Variants in OSBPL8 observed in about 807,000 individuals in gnomAD.
OSBPL8 encodes oxysterol binding protein like 8, also known as oxysterol-binding protein-related protein 8.
In OSBPL8, 59 loss-of-function variants were observed where a neutral mutation model predicts 125.5. The observed-to-expected ratio is 0.47, with a 90% CI of 0.38 to 0.58. The LOEUF is 0.58. OSBPL8 is among the 20% of genes least tolerant of loss of function. OSBPL8 has a pLI of 0.00. For synonymous variants in OSBPL8, 330 were observed against 338.9 expected, an observed-to-expected ratio of 0.97 and a Z score of 0.29; for missense variants, 758 against 1,047.8, an observed-to-expected ratio of 0.72 and a Z score of 3.82.
chr12:76,358,064 T>C (rs1227718429), intron 22 of OSBPL8, among the ~76,000 whole-genome samples: 1 of 151,978 alleles, frequency 6.6e-6, no homozygotes, highest in Admixed American at 6.6e-5. Flanking sequence ...TTTTGAAGCA[T>C]GGAACTGAGT....
chr12:76,535,813 G>A (rs971148631), intron 1 of OSBPL8, among the ~76,000 whole-genome samples: 3 of 152,052 alleles, frequency 2.0e-5, no homozygotes, highest in Non-Finnish European at 4.4e-5. Flanking sequence ...TGAAATCTTA[G>A]AACAGACAAA....
chr12:76,384,108 G>A (rs762155473), intron 15 of OSBPL8, 146 bp downstream of exon 15: 1 of 431,154 alleles, frequency 2.3e-6, no homozygotes, highest in Non-Finnish European at 4.2e-6. Flanking sequence ...TTATGAGTGG[G>A]CAGAAAAAAG....
chr12:76,553,169 A>T (rs1950991906), intron 1 of OSBPL8, among the ~76,000 whole-genome samples: 1 of 130,856 alleles, frequency 7.6e-6, no homozygotes, highest in Non-Finnish European at 1.6e-5. Flanking sequence ...CAGATCTACC[A>T]TACTTCCATC....
chr12:76,540,773 TGCACAC>T (rs1278538543), intron 1 of OSBPL8, among the ~76,000 whole-genome samples: 1 of 151,878 alleles, frequency 6.6e-6, no homozygotes, highest in Non-Finnish European at 1.5e-5. Flanking sequence ...CACATACACA[TGCACAC>T]AACTCCAAAT....
intron 2 of OSBPL8, among the ~76,000 whole-genome samples, chr12:76,464,051 T>C (rs1410826258): frequency 6.6e-6 from 1 of 152,264 alleles, no homozygotes; most frequent in Non-Finnish European, 1.5e-5. Context: ...GCGTTCTTCT[T>C]GGTTTTTGTT....
chr12:76,539,155 G>GA (rs947126671), intron 1 of OSBPL8, among the ~76,000 whole-genome samples: 54 of 140,888 alleles, frequency 3.8e-4, no homozygotes, highest in African/African-American at 8.6e-4. Flanking sequence ...GCCACACAGA[G>GA]AAAAAAAAAA....
intron 1 of OSBPL8, among the ~76,000 whole-genome samples, chr12:76,507,922 G>C (rs1419803849): frequency 6.6e-6 from 1 of 151,546 alleles, no homozygotes; most frequent in Non-Finnish European, 1.5e-5. Context: ...TGAAATCCCA[G>C]CACTTTGGGA....
intron 6 of OSBPL8, 129 bp downstream of exon 6, chr12:76,402,560 C>T: frequency 7.3e-6 from 5 of 682,226 alleles, no homozygotes; most frequent in Non-Finnish European, 1.3e-5. Flanking sequence ...TGTGTGCCTG[C>T]CTGTCTGTAC....
intron 12 of OSBPL8, among the ~76,000 whole-genome samples, chr12:76,388,245 C>T (rs1447285763): frequency 6.6e-6 from 1 of 152,126 alleles, no homozygotes; most frequent in Non-Finnish European, 1.5e-5. Context: ...GTATATGTGG[C>T]ATTATATCTG....
At chr12:76,435,180 G>GTGTGTA (rs1565894850) in intron 4 of OSBPL8, among the ~76,000 whole-genome samples, 1 of 151,582 alleles carries the variant, frequency 6.6e-6, no homozygotes, top group Non-Finnish European at 1.5e-5. Flanking sequence ...GTGTGTGTGT[G>GTGTGTA]TGTGTGCATA....
intron 17 of OSBPL8, among the ~76,000 whole-genome samples, chr12:76,374,339 T>C (rs952719643): frequency 1.3e-5 from 2 of 152,166 alleles, no homozygotes; most frequent in Non-Finnish European, 2.9e-5. Context: ...CACATACTCT[T>C]CCTCAAGGAG....
At chr12:76,497,252 AGAT>A (rs984609580) in intron 1 of OSBPL8, among the ~76,000 whole-genome samples, 2 of 150,814 alleles carry the variant, frequency 1.3e-5, no homozygotes, top group Non-Finnish European at 2.9e-5. Context: ...TCGACTTTGC[AGAT>A]GATAGGATTT....
chr12:76,521,976 G>A (rs1334326018), intron 1 of OSBPL8, among the ~76,000 whole-genome samples: 3 of 152,062 alleles, frequency 2.0e-5, no homozygotes, highest in Non-Finnish European at 4.4e-5. Context: ...TAAAATAATT[G>A]GGGAAAAAAG....
intron 22 of OSBPL8, among the ~76,000 whole-genome samples, chr12:76,357,052 C>T (rs575793322): frequency 6.6e-6 from 1 of 152,256 alleles, no homozygotes; most frequent in Non-Finnish European, 1.5e-5. Context: ...CATTTGCCTA[C>T]CTCTGAAGTC....
rs113117717 is a variant in OSBPL8 at position 76,372,972 on chromosome 12, T to C, written c.1917+372A>G. Among the ~76,000 whole-genome samples, 897 of 152,268 alleles carry C rather than the reference T, an allele frequency of 5.9e-3. 4 individuals carry two copies. Among genetic ancestry groups the C allele is most frequent in the African/African-American group, 0.019 (801 of 41,556 alleles). On this transcript the variant is annotated intron_variant, in intron 18 of 23. Coordinates refer to ENST00000261183, the MANE Select transcript of OSBPL8 (RefSeq NM_020841.5). ...GCAAATTATGTGAACTCTCTGTGCC[T>C]CAGTGTCCTCTTCTGTAAAATGGGG... is the stretch of plus-strand genomic sequence containing the variant.
intron 2 of OSBPL8, among the ~76,000 whole-genome samples, chr12:76,477,382 A>G (rs1221713100): frequency 6.6e-6 from 1 of 152,082 alleles, no homozygotes; most frequent in Non-Finnish European, 1.5e-5. Flanking sequence ...GACAGAATAT[A>G]CCCTTGGTAT....
At position 76,355,567 on chromosome 12, in the gene OSBPL8, T is replaced by A; in HGVS notation, c.*322A>T. ...TTATATCTCAGAACATACTATAGAA[T>A]ACAAAGACTACTGTCAGGTAGGAGT... On this transcript the variant is annotated 3_prime_UTR_variant, in exon 24 of 24. Transcript: ENST00000261183. The A allele has an allele frequency of 5.5e-6, 1 of 182,946 alleles. No homozygotes were observed. Among genetic ancestry groups the A allele is most frequent in the Non-Finnish European group, 1.1e-5 (1 of 88,548 alleles). The allele number at this position is 182,946 out of a possible 1,614,324, so 11.3% of individuals were successfully genotyped here.
intron 1 of OSBPL8, among the ~76,000 whole-genome samples, chr12:76,518,122 C>T (rs780871336): frequency 6.6e-6 from 1 of 152,190 alleles, no homozygotes. Context: ...TTATCCAAGA[C>T]TCAAGTCAAA....
chr12:76,535,666 A>T (rs1220057892), intron 1 of OSBPL8, among the ~76,000 whole-genome samples: 2 of 152,218 alleles, frequency 1.3e-5, no homozygotes, highest in Non-Finnish European at 2.9e-5. Flanking sequence ...TGGATAAACA[A>T]ATTGGATATT....
Sources: gnomAD v4.1 joint callset for allele counts (sites outside exome capture counted in the v4.1 genomes callset) on GRCh38, gnomAD v4.1.1 for gene constraint, MANE v1.5 for transcripts, NCBI Gene and HGNC (gene_info 2026-07-23, HGNC 2026-07-21) for gene names.